The following TGFBR1 variants were observed in gnomAD, a reference collection of about 807,000 sequenced individuals.
The protein encoded by TGFBR1 is TGF-beta receptor type-1.
Under a neutral mutation model 55.1 loss-of-function variants are expected in TGFBR1, and 20 were observed. The observed-to-expected ratio is 0.36, with a 90% CI of 0.26 to 0.53. The LOEUF is 0.53. Ranked by LOEUF, TGFBR1 falls within the 20% of genes least tolerant of loss-of-function variation. The pLI, the probability that TGFBR1 is intolerant of heterozygous loss-of-function variation, is 0.91. For synonymous variants in TGFBR1, 220 were observed against 214.8 expected (o/e 1.02, Z -0.21); for missense variants, 385 against 617.6 (o/e 0.62, Z 3.99).
chr9:99,114,539 G>A (rs1023166958), intron 1 of TGFBR1, among the ~76,000 whole-genome samples: 4 of 152,160 alleles, frequency 2.6e-5, no homozygotes, highest in African/African-American at 9.7e-5. Context: ...CCTTTAACAC[G>A]TATTGAGGGT....
intron 6 of TGFBR1, 132 bp downstream of exon 6, chr9:99,145,020 C>G: frequency 1.9e-6 from 2 of 1,062,636 alleles, no homozygotes; most frequent in Non-Finnish European, 2.8e-6. Context: ...GTAAGAAGAT[C>G]TCATGGTCTT....
Position 99,148,755 on chromosome 9 carries a change from C to T in TGFBR1, c.1387-425C>T, listed in dbSNP as rs192960992. On this transcript the variant is annotated intron_variant, in intron 8 of 8. Coordinates refer to ENST00000374994, the MANE Select transcript of TGFBR1 (RefSeq NM_004612.4). ...GCTGAAGTGGGAGGATTGCTGGAGC[C>T]TGGGAGGTCAAGGCTGCAGTGAGCT... is the stretch of plus-strand genomic sequence containing the variant. 2.0e-5 allele frequency among the ~76,000 whole-genome samples: 3 copies of T among 151,756 alleles called. No individual in the cohort carries two copies. The East Asian group carries it at 5.8e-4, about 29-fold the overall frequency.
chr9:99,111,268 TAAC>T (rs1166841127), intron 1 of TGFBR1, among the ~76,000 whole-genome samples: 2 of 147,470 alleles, frequency 1.4e-5, no homozygotes, highest in African/African-American at 5.0e-5. Context: ...CAGCCATTAT[TAAC>T]ATTTGGCATA....
chr9:99,145,023 A>G (rs1827747766), intron 6 of TGFBR1, 135 bp downstream of exon 6: 1 of 1,013,224 alleles, frequency 9.9e-7, no homozygotes, highest in Non-Finnish European at 1.5e-6. Flanking sequence ...AGAAGATCTC[A>G]TGGTCTTGCC....
chr9:99,124,241 A>G (rs1030854283), intron 1 of TGFBR1, among the ~76,000 whole-genome samples: 8 of 152,128 alleles, frequency 5.3e-5, no homozygotes, highest in African/African-American at 1.9e-4. Context: ...CAGGATTTTA[A>G]TTATCTGTTT....
In TGFBR1 at chr9:99,151,595, T is replaced by C. The variant is rs1001943455; in HGVS notation, c.*2290T>C. On this transcript the variant is annotated 3_prime_UTR_variant, in exon 9 of 9. Transcript: ENST00000374994. The stretch of plus-strand genomic sequence containing the variant: ...AGGTTATCCACTTTTGCTGAAGATA[T>C]TTTTTATTGAATCAAAGATTGAGTT... 39 of 229,834 alleles carry C rather than the reference T, an allele frequency of 1.7e-4. No homozygotes were observed. Among genetic ancestry groups the C allele is most frequent in the Non-Finnish European group, 1.7e-5 (2 of 115,882 alleles). The allele number at this position is 229,834 out of a possible 1,614,324, so 14.2% of individuals were successfully genotyped here. A position where few individuals can be genotyped will look rare whatever the true frequency, so the allele number is the denominator to read the frequency against.
At chr9:99,129,818 G>C (rs1312003381) in intron 2 of TGFBR1, among the ~76,000 whole-genome samples, 2 of 152,046 alleles carry the variant, frequency 1.3e-5, no homozygotes, top group African/African-American at 4.8e-5. Flanking sequence ...AACAATCTTT[G>C]AACCTGGGAG....
chr9:99,124,910 T>C (rs1826995702), intron 1 of TGFBR1, among the ~76,000 whole-genome samples: 1 of 152,158 alleles, frequency 6.6e-6, no homozygotes, highest in Admixed American at 6.6e-5. Context: ...TTTTTCATAA[T>C]GTTACTTAAA....
chr9:99,144,675 GT>G, intron 5 of TGFBR1, 56 bp from the exon 6 acceptor site: 1 of 1,604,866 alleles, frequency 6.2e-7, no homozygotes. Context: ...ACCTAAAGAT[GT>G]GAGTTGTGAT....
intron 1 of TGFBR1, 150 bp downstream of exon 1, chr9:99,105,452 G>A: frequency 1.4e-6 from 1 of 692,352 alleles, no homozygotes; most frequent in Non-Finnish European, 1.8e-6. Context: ...GGCGCCGCGC[G>A]GCTCGGCGGC....
At chr9:99,137,270 G>T (rs962743644) in intron 3 of TGFBR1, among the ~76,000 whole-genome samples, 1 of 152,068 alleles carries the variant, frequency 6.6e-6, no homozygotes, top group Non-Finnish European at 1.5e-5. Flanking sequence ...GTGTTTCTGC[G>T]TTCACATCCT....
rs1828019437 is a variant in TGFBR1, at chr9:99,152,996, TAAAAG to T, written c.*3692_*3696del. ...AACATTCAACCTGTTTATTACAACT[TAAAAG>T]GAACTTCAGTGAATTTGTTTTTATT... On this transcript the variant is annotated 3_prime_UTR_variant, in exon 9 of 9. Coordinates refer to ENST00000374994, the MANE Select transcript of TGFBR1 (RefSeq NM_004612.4). 4.4e-6 allele frequency: 1 copy of T among 228,658 alleles called. No individual in the cohort carries two copies. Among genetic ancestry groups the T allele is most frequent in the Non-Finnish European group, 8.7e-6 (1 of 114,930 alleles). 14.2% of individuals were successfully genotyped at this position (228,658 alleles called of 1,614,324 possible). A position where few individuals can be genotyped will look rare whatever the true frequency, so the allele number is the denominator to read the frequency against.
intron 3 of TGFBR1, 88 bp downstream of exon 3, chr9:99,132,827 C>G (rs1827287011): frequency 6.6e-7 from 1 of 1,524,750 alleles, no homozygotes; most frequent in East Asian, 2.3e-5. Context: ...AGCCAACTTG[C>G]TAGAATGTGA....
chr9:99,121,843 ACT>A (rs142912047), intron 1 of TGFBR1, among the ~76,000 whole-genome samples: 134 of 152,120 alleles, frequency 8.8e-4, no homozygotes, highest in African/African-American at 3.1e-3. Flanking sequence ...GGATTACAAC[ACT>A]CTGCTTGACT....
intron 1 of TGFBR1, among the ~76,000 whole-genome samples, chr9:99,118,604 A>T (rs1826813766): frequency 6.7e-6 from 1 of 149,952 alleles, no homozygotes; most frequent in African/African-American, 2.5e-5. Flanking sequence ...GTTTTTGTTT[A>T]CATCACCTAA....
chr9:99,134,807 TATATATA>T (rs1347290634), intron 3 of TGFBR1, among the ~76,000 whole-genome samples: 1 of 10,824 alleles, frequency 9.2e-5, no homozygotes, highest in African/African-American at 4.2e-4. Flanking sequence ...TTCCATTATA[TATATATA>T]TATATATATA....
intron 1 of TGFBR1, among the ~76,000 whole-genome samples, chr9:99,112,773 T>A (rs1826623159): frequency 6.6e-6 from 1 of 152,124 alleles, no homozygotes; most frequent in Non-Finnish European, 1.5e-5. Flanking sequence ...GGAGACGAAT[T>A]CTGGTTTAAG....
chr9:99,138,028 T>C lies in TGFBR1; in HGVS notation c.744T>C (p.Ile248=). Residue 248 remains isoleucine, a synonymous_variant, in exon 4 of 9, where the codon ATT becomes ATC. Transcript: ENST00000374994. ...GTTCGTGGTTCCGTGAGGCAGAGAT[T>C]TATCAAACTGTAATGTTACGTCATG... ...EERSWFREAE[I]YQTVMLRHEN... 6.2e-7 allele frequency: 1 copy of C among 1,614,068 alleles called. No homozygotes were observed. Among genetic ancestry groups the C allele is most frequent in the Non-Finnish European group, 8.5e-7 (1 of 1,179,948 alleles).
chr9:99,146,607 G>A lies in TGFBR1; in HGVS notation c.1253G>A (p.Gly418Asp). The A allele has an allele frequency of 1.2e-6, 2 of 1,613,894 alleles. No individual in the cohort carries two copies. The highest frequency in any genetic ancestry group is 1.7e-6 in the Non-Finnish European group (2 of 1,179,844). Residue 418 changes from glycine to aspartate, a missense_variant and splice_region_variant, in exon 7 of 9, where the codon GGT becomes GAT. Physicochemically the swap from Gly to Asp is moderately conservative, Grantham distance 94 (BLOSUM62 -1). Around this residue, in one of 5 missense-constraint regions of TGFBR1, gnomAD observed 110 missense variants for 154.6 expected, o/e 0.71. Transcript: ENST00000374994. ...FWEIARRCSI[G>D]GIHEDYQLPY... ...GAAATTGCTCGACGATGTTCCATTGGTGGTAAATTGCTCTCCTCTCCCCCA... is the reference window on the plus strand; with the variant it reads ...GAAATTGCTCGACGATGTTCCATTGATGGTAAATTGCTCTCCTCTCCCCCA...
Sources: gnomAD v4.1 joint callset for allele counts (sites outside exome capture counted in the v4.1 genomes callset) on GRCh38, gnomAD v4.1.1 for gene constraint, gnomAD v4.1.1 regional missense constraint, MANE v1.5 for transcripts, NCBI Gene and HGNC (gene_info 2026-07-23, HGNC 2026-07-21) for gene names.